PER3: variants seen among roughly 807,000 people sequenced by gnomAD.
The protein encoded by PER3 is period circadian regulator 3, also known as period circadian protein homolog 3.
A neutral mutation model predicts 127.2 loss-of-function variants in PER3; 107 were observed. That is an observed-to-expected ratio of 0.84 (90% CI 0.72 to 0.99). PER3 has a LOEUF of 0.99. Ranked by LOEUF, PER3 falls within the 50% of genes least tolerant of loss-of-function variation. The pLI, the probability that PER3 is intolerant of heterozygous loss-of-function variation, is 0.00. For synonymous variants in PER3, 618 were observed against 585.8 expected, an observed-to-expected ratio of 1.05 and a Z score of -0.79; for missense variants, 1,560 against 1,525.8, an observed-to-expected ratio of 1.02 and a Z score of -0.37.
At position 7,803,101 on chromosome 1, in the gene PER3, A is replaced by G. The variant is rs1479424881; in HGVS notation, c.927A>G (p.Leu309=). Residue 309 remains leucine (L), a synonymous_variant, in exon 9 of 22, where the codon CTA becomes CTG. Transcript: ENST00000377532. The part of the protein sequence containing the change: ...LPQDLIGTSI[L]SYLHPEDRSL... ...AGGACCTGATTGGAACATCGATCCT[A>G]AGCTACCTGCACCCTGAAGATCGTT... 1 of 1,613,706 alleles carries G rather than the reference A, an allele frequency of 6.2e-7. No homozygotes were observed. Among genetic ancestry groups the G allele is most frequent in the East Asian group, 2.2e-5 (1 of 44,868 alleles).
chr1:7,836,529 T>C (rs1193456506), intron 20 of PER3, among the ~76,000 whole-genome samples: 1 of 152,204 alleles, frequency 6.6e-6, no homozygotes, highest in East Asian at 1.9e-4. Context: ...GAATGTTTTA[T>C]AAATTCCCTT....
intron 11 of PER3, 70 bp downstream of exon 11, chr1:7,809,068 T>C (rs1044215491): frequency 1.1e-5 from 8 of 746,352 alleles, no homozygotes; most frequent in African/African-American, 1.8e-5. Flanking sequence ...GTAAATTCAC[T>C]TCACAAAAAT....
intron 11 of PER3, 130 bp downstream of exon 11, chr1:7,809,128 G>C (rs1038242091): frequency 1.2e-4 from 67 of 569,154 alleles, no homozygotes; most frequent in Non-Finnish European, 1.2e-5. Context: ...AGAAATTTTT[G>C]TCTTTCTCTT....
At chr1:7,810,382 T>C in intron 12 of PER3, 56 bp from the exon 13 acceptor site, 1 of 1,280,588 alleles carries the variant, frequency 7.8e-7, no homozygotes, top group African/African-American at 1.5e-5. Flanking sequence ...TTTATGTATC[T>C]TTTAGTGGAC....
intron 14 of PER3, 61 bp from the exon 15 acceptor site, chr1:7,820,054 G>T: frequency 5.8e-6 from 9 of 1,558,912 alleles, no homozygotes; most frequent in Non-Finnish European, 7.0e-6. Context: ...AAAGCAAAGA[G>T]GTGGGAAATG....
intron 21 of PER3, among the ~76,000 whole-genome samples, chr1:7,842,171 A>G (rs12029963): frequency 0.28 from 43,098 of 152,140 alleles, 6,415 homozygotes; most frequent in Middle Eastern, 0.47. Flanking sequence ...CATGTGGCAC[A>G]TGACTGTATT....
intron 10 of PER3, among the ~76,000 whole-genome samples, chr1:7,806,812 A>AAAAAAAAAAAAAT (rs61141023): frequency 1.6e-5 from 1 of 60,632 alleles, no homozygotes; most frequent in Admixed American, 2.4e-4. Context: ...AAAAAAAAAA[A>AAAAAAAAAAAAAT]ATATATATAT....
intron 18 of PER3, among the ~76,000 whole-genome samples, chr1:7,828,781 G>T (rs12119746): frequency 6.6e-6 from 1 of 152,140 alleles, no homozygotes; most frequent in African/African-American, 2.4e-5. Flanking sequence ...ATCCCTCATA[G>T]CTTACTCTGA....
In PER3 at chr1:7,785,118, G is replaced by A; in HGVS notation, c.128+113G>A. On this transcript the variant is annotated intron_variant, in intron 2 of 21. Coordinates refer to ENST00000377532, the MANE Select transcript of PER3 (RefSeq NM_001377275.1). ...TTTGTTTTCAAGCCCAGGGGAAAGTGTAAAGGGGAGACTCGGGCAATGTAG... is the reference window on the plus strand; with the variant it reads ...TTTGTTTTCAAGCCCAGGGGAAAGTATAAAGGGGAGACTCGGGCAATGTAG... 3 of 1,163,240 alleles carry A rather than the reference G, an allele frequency of 2.6e-6. No individual in the cohort carries two copies. In the Admixed American group the frequency reaches 8.7e-5, roughly 34 times the overall value. 72.1% of individuals were successfully genotyped at this position (1,163,240 alleles called of 1,614,324 possible). A position where few individuals can be genotyped will look rare whatever the true frequency, so the allele number is the denominator to read the frequency against.
In PER3 at chr1:7,842,959, G is replaced by A. The variant is rs1578011085; in HGVS notation, c.*204G>A. ...TCTTTGTTCCTGATATATTAAAATG[G>A]CCAGTTAGGCTCTTTTTGTAGTTGA... On this transcript the variant is annotated 3_prime_UTR_variant, in exon 22 of 22. Coordinates refer to ENST00000377532, the MANE Select transcript of PER3 (RefSeq NM_001377275.1). The A allele has an allele frequency of 2.9e-5, 10 of 345,978 alleles. No individual in the cohort carries two copies. In the East Asian group the frequency reaches 3.8e-4, roughly 13 times the overall value. 21.4% of individuals were successfully genotyped at this position (345,978 alleles called of 1,614,324 possible).
intron 13 of PER3, among the ~76,000 whole-genome samples, chr1:7,814,493 A>G (rs1265712845): frequency 6.6e-6 from 1 of 152,184 alleles, no homozygotes; most frequent in Non-Finnish European, 1.5e-5. Flanking sequence ...TGAAAACGAT[A>G]TGTAAGAAAA....
At chr1:7,807,499 T>C (rs976109173) in intron 10 of PER3, among the ~76,000 whole-genome samples, 2 of 152,222 alleles carry the variant, frequency 1.3e-5, no homozygotes, top group African/African-American at 4.8e-5. Context: ...CATGTATCAG[T>C]TGAGAAACGG....
At chr1:7,829,047 G>GT (rs374292954) in intron 18 of PER3, among the ~76,000 whole-genome samples, 349 of 152,208 alleles carry the variant, frequency 2.3e-3, no homozygotes, top group African/African-American at 8.0e-3. Context: ...AGGCTGGAAC[G>GT]TTTTTACTTC....
chr1:7,833,226 G>A (rs1274016990), intron 19 of PER3, among the ~76,000 whole-genome samples: 1 of 152,134 alleles, frequency 6.6e-6, no homozygotes, highest in East Asian at 1.9e-4. Context: ...ATGTGCATTT[G>A]AAAAGAATAT....
Position 7,784,814 on chromosome 1 carries a change from A to C in PER3, c.-64A>C. On this transcript the variant is annotated 5_prime_UTR_variant, in exon 2 of 22. Transcript: ENST00000377532. ...AAACCGGTGTCTGTCACTGACTGCAAAGTGAGCGAGAAGCAGGCTGCGGGC... is the reference window on the plus strand; with the variant it reads ...AAACCGGTGTCTGTCACTGACTGCACAGTGAGCGAGAAGCAGGCTGCGGGC... The C allele has an allele frequency of 7.2e-7, 1 of 1,384,284 alleles. No homozygotes were observed. Among genetic ancestry groups the C allele is most frequent in the Non-Finnish European group, 9.3e-7 (1 of 1,075,898 alleles). 85.8% of individuals were successfully genotyped at this position (1,384,284 alleles called of 1,614,324 possible).
rs951941221 is a variant in PER3 at position 7,835,683 on chromosome 1, A to G, written c.3215-79A>G. ...CTGAGGAGGAGGACTGTCCGAGGCA[A>G]GAGTCTGAAGAATGAGAGCCAGTTT... On this transcript the variant is annotated intron_variant, in intron 19 of 21. Coordinates refer to ENST00000377532, the MANE Select transcript of PER3 (RefSeq NM_001377275.1). 7.0e-6 allele frequency: 7 copies of G among 994,842 alleles called. No individual in the cohort carries two copies. The African/African-American group carries it at 1.1e-4, about 16-fold the overall frequency. 61.6% of individuals were successfully genotyped at this position (994,842 alleles called of 1,614,324 possible).
At chr1:7,824,389 T>C (rs1478395104) in intron 16 of PER3, among the ~76,000 whole-genome samples, 1 of 152,180 alleles carries the variant, frequency 6.6e-6, no homozygotes, top group African/African-American at 2.4e-5. Flanking sequence ...GTGGTCTTGG[T>C]TCATGTAGCT....
chr1:7,842,811 CTTTTT>C lies in PER3; in HGVS notation c.*57_*61del. The C allele has an allele frequency of 6.8e-7, 1 of 1,469,416 alleles. No individual in the cohort carries two copies. Among genetic ancestry groups the C allele is most frequent in the Non-Finnish European group, 9.4e-7 (1 of 1,068,014 alleles). The allele number at this position is 1,469,416 out of a possible 1,614,324, so 91.0% of individuals were successfully genotyped here. On this transcript the variant is annotated 3_prime_UTR_variant, in exon 22 of 22. Coordinates refer to ENST00000377532, the MANE Select transcript of PER3 (RefSeq NM_001377275.1). ...TCCAAGACGTGTTACACAGACAGAC[CTTTTT>C]AAGTCCTGGACTTTTAAATGACCAT... is the stretch of plus-strand genomic sequence containing the variant.
rs1182698377 is a variant in PER3 at position 7,836,032 on chromosome 1, CT to C, written c.3398+88del. Reference sequence around the variant, plus strand: ...TTCTTTTTTGAGACGGAGTCTCGCCCTGTCACCCAGGCTGGAGTGCAGTGGC... The same window carrying C: ...TTCTTTTTTGAGACGGAGTCTCGCCCGTCACCCAGGCTGGAGTGCAGTGGC... On this transcript the variant is annotated intron_variant, in intron 20 of 21. Transcript: ENST00000377532. 3.4e-6 allele frequency: 3 copies of C among 885,296 alleles called. No homozygotes were observed. In the African/African-American group the frequency reaches 5.1e-5, roughly 15 times the overall value. The allele number at this position is 885,296 out of a possible 1,614,324, so 54.8% of individuals were successfully genotyped here. A position where few individuals can be genotyped will look rare whatever the true frequency, so the allele number is the denominator to read the frequency against.
Sources: allele counts gnomAD v4.1 joint callset (sites outside exome capture counted in the v4.1 genomes callset), GRCh38; gene constraint gnomAD v4.1.1; transcripts MANE v1.5; gene names NCBI Gene and HGNC (gene_info 2026-07-23, HGNC 2026-07-21).